TDRKH: variants seen among roughly 807,000 people sequenced by gnomAD.
TDRKH encodes the protein tudor and KH domain-containing protein.
In TDRKH, 28 loss-of-function variants were observed where a neutral mutation model predicts 61.3. The ratio of observed to expected loss-of-function variants is 0.46; its 90% confidence interval spans 0.34 to 0.63. The LOEUF (loss-of-function observed/expected upper bound fraction) is 0.63, where lower values mean the gene tolerates loss of function less well. Among genes scored for constraint, TDRKH ranks in the 20% least tolerant of loss-of-function variants. The pLI, the probability that TDRKH is intolerant of heterozygous loss-of-function variation, is 0.01. For synonymous variants in TDRKH, 219 were observed against 244.4 expected (o/e 0.90, Z 0.97); for missense variants, 540 against 683.4 (o/e 0.79, Z 2.34).
Position 151,782,959 on chromosome 1 carries a change from C to CA in TDRKH, c.63dup (p.Gly22TrpfsTer17). On this transcript the variant is annotated frameshift_variant, in exon 2 of 13. Coordinates refer to ENST00000368824, the MANE Select transcript of TDRKH (RefSeq NM_001083965.2). LOFTEE classifies it high-confidence loss of function. ...GCAACTGTTGCACTGGCTGGGATCC[C>CA]AAGGCCCAGGGCTATTTTCTGAATG... 6.2e-7 allele frequency: 1 copy of CA among 1,613,684 alleles called. No individual in the cohort carries two copies. Among genetic ancestry groups the CA allele is most frequent in the Non-Finnish European group, 8.5e-7 (1 of 1,179,872 alleles).
intron 1 of TDRKH, among the ~76,000 whole-genome samples, chr1:151,788,107 A>G (rs764061334): frequency 6.6e-6 from 1 of 152,246 alleles, no homozygotes; most frequent in African/African-American, 2.4e-5. Context: ...CCTGGAACCA[A>G]TCCCCTGCAA....
At chr1:151,767,336 C>A, downstream of TDRKH, 1 of 1,601,526 alleles carries the variant, frequency 6.2e-7, no homozygotes, top group Non-Finnish European at 8.5e-7. Flanking sequence ...GACAGGGCAA[C>A]CCTTTTCTTG....
chr1:151,768,948 A>T (rs1173508168), downstream of TDRKH, among the ~76,000 whole-genome samples: 1 of 152,232 alleles, frequency 6.6e-6, no homozygotes, highest in Non-Finnish European at 1.5e-5. Flanking sequence ...CCCTGAGTGG[A>T]CACAGCACGT....
intron 1 of TDRKH, among the ~76,000 whole-genome samples, chr1:151,787,858 G>A (rs1478991365): frequency 2.0e-5 from 3 of 147,888 alleles, no homozygotes; most frequent in Non-Finnish European, 4.5e-5. Context: ...GCGTGGTGTT[G>A]CACACCTGTA....
At chr1:151,787,595 C>T (rs1464634116) in intron 1 of TDRKH, among the ~76,000 whole-genome samples, 2 of 152,006 alleles carry the variant, frequency 1.3e-5, no homozygotes, top group African/African-American at 4.8e-5. Flanking sequence ...AGTGCTAGCT[C>T]TTTCTTGTGT....
At chr1:151,768,024 G>C (rs1187666705), downstream of TDRKH, 1 of 1,611,870 alleles carries the variant, frequency 6.2e-7, no homozygotes, top group Non-Finnish European at 8.5e-7. Context: ...GGTCTGATTT[G>C]AAGACTAGAG....
chr1:151,776,526 G>A lies in TDRKH; in HGVS notation c.957C>T (p.Asn319=), dbSNP rs372350579. The A allele has an allele frequency of 1.2e-5, 20 of 1,614,054 alleles. No individual in the cohort carries two copies. The African/African-American group carries it at 2.0e-4, about 16-fold the overall frequency. The change falls in exon 7 of 13, where the codon AAC becomes AAT. Residue 319 remains asparagine, a synonymous_variant. Transcript: ENST00000368824. Reference sequence around the variant, plus strand: ...AGCCAACGATCTGGATCCAGAAGTGGTTAGGGTGCTCAGAAGCAGAAACGT... The same window carrying A: ...AGCCAACGATCTGGATCCAGAAGTGATTAGGGTGCTCAGAAGCAGAAACGT... ...EVYVSASEHP[N]HFWIQIVGSR...
intron 1 of TDRKH, among the ~76,000 whole-genome samples, chr1:151,787,673 C>T (rs1333280109): frequency 6.6e-6 from 1 of 151,768 alleles, no homozygotes; most frequent in African/African-American, 2.4e-5. Flanking sequence ...GTCTAGGAAA[C>T]ATAAACACCA....
intron 5 of TDRKH, 46 bp from the exon 6 acceptor site, chr1:151,779,052 T>C (rs779742203): frequency 6.2e-7 from 1 of 1,612,168 alleles, no homozygotes; most frequent in African/African-American, 1.3e-5. Flanking sequence ...TGGGATAGAG[T>C]AAAAGGATCT....
At chr1:151,772,476 G>A (rs758483784), downstream of TDRKH, among the ~76,000 whole-genome samples, 3 of 151,960 alleles carry the variant, frequency 2.0e-5, no homozygotes, top group Non-Finnish European at 4.4e-5. Context: ...AGAGGTAGAC[G>A]TTACTAATCC....
chr1:151,770,898 T>C (rs1648668497), downstream of TDRKH, among the ~76,000 whole-genome samples: 1 of 152,212 alleles, frequency 6.6e-6, no homozygotes, highest in South Asian at 2.1e-4. Flanking sequence ...CAGGACTAAC[T>C]CACAGAACAA....
downstream of TDRKH, among the ~76,000 whole-genome samples, chr1:151,769,881 C>T (rs564948048): frequency 1.2e-4 from 18 of 152,306 alleles, no homozygotes; most frequent in East Asian, 1.7e-3. Context: ...GAGACCAGCC[C>T]GGCCAACACA....
downstream of TDRKH, chr1:151,770,093 G>A (rs1648605052): frequency 2.2e-6 from 1 of 453,524 alleles, no homozygotes; most frequent in African/African-American, 2.6e-5. Flanking sequence ...GGGAGAGGGA[G>A]ACCATGGGGA....
downstream of TDRKH, chr1:151,766,858 G>C (rs141059076): frequency 6.2e-7 from 1 of 1,612,576 alleles, no homozygotes; most frequent in South Asian, 1.1e-5. Context: ...ATCACTCTCC[G>C]GGAGAAGATG....
At chr1:151,771,444 A>C (rs545694898), downstream of TDRKH, 133 of 1,106,928 alleles carry the variant, frequency 1.2e-4, no homozygotes, top group East Asian at 4.3e-3. Context: ...ACTACGGAGG[A>C]AAGTACCTAA....
rs60652277 is a variant in TDRKH at position 151,781,328 on chromosome 1, A to AATATATATATATATATATATATATAT, written c.231+152_231+153insATATATATATATATATATATATATAT. Among the ~76,000 whole-genome samples the AATATATATATATATATATATATATAT allele has an allele frequency of 1.2e-3, 80 of 68,504 alleles. 4 individuals are homozygous for AATATATATATATATATATATATATAT. Among genetic ancestry groups the AATATATATATATATATATATATATAT allele is most frequent in the East Asian group, 4.2e-3 (15 of 3,530 alleles). The allele number at this position is 68,504 out of a possible 152,430, so 44.9% of individuals were successfully genotyped here. On this transcript the variant is annotated intron_variant, in intron 3 of 12. Transcript: ENST00000368824. ...GCGAAACTCCATCTCAAAAAAAAAA[A>AATATATATATATATATATATATATAT]ATATATATATATATATTTTATATAT... is the stretch of plus-strand genomic sequence containing the variant.
downstream of TDRKH, among the ~76,000 whole-genome samples, chr1:151,768,949 C>T (rs1424948396): frequency 6.6e-6 from 1 of 152,182 alleles, no homozygotes; most frequent in East Asian, 1.9e-4. Context: ...CCTGAGTGGA[C>T]ACAGCACGTT....
chr1:151,768,488 C>T (rs1490858288), downstream of TDRKH, among the ~76,000 whole-genome samples: 1 of 152,184 alleles, frequency 6.6e-6, no homozygotes, highest in Non-Finnish European at 1.5e-5. Context: ...TCCTTTCTCC[C>T]CAGACCCCTT....
chr1:151,787,871 T>G (rs1650491425), intron 1 of TDRKH, among the ~76,000 whole-genome samples: 1 of 148,512 alleles, frequency 6.7e-6, no homozygotes, highest in Non-Finnish European at 1.5e-5. Context: ...CACCTGTAGT[T>G]CCAGCTACTC....
Sources: allele counts gnomAD v4.1 joint callset (sites outside exome capture counted in the v4.1 genomes callset), GRCh38; gene constraint gnomAD v4.1.1; transcripts MANE v1.5; gene names NCBI Gene and HGNC (gene_info 2026-07-23, HGNC 2026-07-21).